MRPS28: variants seen among roughly 807,000 people sequenced by gnomAD.
MRPS28 encodes small ribosomal subunit protein bS1m.
Under a neutral mutation model 10.8 loss-of-function variants are expected in MRPS28, and 7 were observed. That is an observed-to-expected ratio of 0.65 (90% confidence interval 0.37 to 1.22). The LOEUF is 1.22. Among genes scored for constraint, MRPS28 ranks in the 50% most tolerant of loss-of-function variants. The pLI is 0.02. For missense variants in MRPS28, 265 were observed against 232.9 expected (o/e 1.14, Z -0.90); for synonymous variants, 121 against 93.3 (o/e 1.30, Z -1.71).
chr8:79,967,934 A>C (rs1034857161), intron 2 of MRPS28, among the ~76,000 whole-genome samples: 1 of 152,158 alleles, frequency 6.6e-6, no homozygotes, highest in Non-Finnish European at 1.5e-5. Flanking sequence ...TATTTACATT[A>C]TCTTGAATGT....
chr8:79,981,586 G>A (rs1444028455), intron 2 of MRPS28, among the ~76,000 whole-genome samples: 2 of 152,178 alleles, frequency 1.3e-5, no homozygotes, highest in Non-Finnish European at 2.9e-5. Context: ...AGAATGGTAA[G>A]TAAAATAGAA....
intron 2 of MRPS28, among the ~76,000 whole-genome samples, chr8:79,993,978 T>C (rs1195744959): frequency 6.6e-6 from 1 of 152,206 alleles, no homozygotes; most frequent in Non-Finnish European, 1.5e-5. Context: ...GCCAGTTACC[T>C]TAGAGCTGCC....
At chr8:80,020,820 G>A (rs936636573) in intron 1 of MRPS28, among the ~76,000 whole-genome samples, 57 of 152,116 alleles carry the variant, frequency 3.7e-4, no homozygotes, top group Admixed American at 9.2e-4. Flanking sequence ...AGGCCTGAAG[G>A]AAAAAGGTCA....
At chr8:79,976,795 A>G (rs149321018) in intron 2 of MRPS28, among the ~76,000 whole-genome samples, 4 of 152,248 alleles carry the variant, frequency 2.6e-5, no homozygotes, top group Non-Finnish European at 4.4e-5. Context: ...TGTATTTTGC[A>G]ATCAGCTTAA....
chr8:79,929,430 C>G (rs117133502), intron 2 of MRPS28, among the ~76,000 whole-genome samples: 1,564 of 152,078 alleles, frequency 0.01, 15 homozygotes, highest in African/African-American at 0.015. Context: ...ATAATCGGAA[C>G]CTATCAAGAA....
At chr8:80,003,882 C>T (rs760206126) in intron 1 of MRPS28, among the ~76,000 whole-genome samples, 2 of 152,190 alleles carry the variant, frequency 1.3e-5, no homozygotes, top group Non-Finnish European at 2.9e-5. Flanking sequence ...CGGAGCCTCG[C>T]TCATTGCTAG....
intron 2 of MRPS28, among the ~76,000 whole-genome samples, chr8:79,932,811 A>G (rs115962405): frequency 0.013 from 2,047 of 152,254 alleles, 38 homozygotes; most frequent in African/African-American, 0.047. Flanking sequence ...ACCACTGATA[A>G]AGCTGTCTGT....
At chr8:80,008,023 C>T (rs890477869) in intron 1 of MRPS28, among the ~76,000 whole-genome samples, 41 of 152,186 alleles carry the variant, frequency 2.7e-4, no homozygotes, top group East Asian at 7.7e-4. Context: ...CTTCAAACTA[C>T]GCTACAAGGC....
intron 2 of MRPS28, among the ~76,000 whole-genome samples, chr8:79,981,927 C>T (rs940529459): frequency 3.9e-5 from 6 of 152,124 alleles, no homozygotes; most frequent in African/African-American, 9.7e-5. Flanking sequence ...TAAAGGAACA[C>T]GAAGTATTCT....
intron 2 of MRPS28, among the ~76,000 whole-genome samples, chr8:79,985,606 C>A (rs1016809131): frequency 1.3e-5 from 2 of 152,242 alleles, no homozygotes; most frequent in Non-Finnish European, 1.5e-5. Flanking sequence ...CACCACCGAT[C>A]CCACAGAAAT....
At chr8:80,020,894 T>A (rs1226261008) in intron 1 of MRPS28, among the ~76,000 whole-genome samples, 2 of 152,084 alleles carry the variant, frequency 1.3e-5, no homozygotes, top group African/African-American at 4.8e-5. Context: ...AACACTGGAA[T>A]TTCTATTTGT....
At chr8:80,019,401 T>G (rs1211833287) in intron 1 of MRPS28, among the ~76,000 whole-genome samples, 1 of 150,804 alleles carries the variant, frequency 6.6e-6, no homozygotes, top group African/African-American at 2.4e-5. Flanking sequence ...AAAAATCACA[T>G]GGTCGTATTT....
intron 2 of MRPS28, among the ~76,000 whole-genome samples, chr8:79,952,051 G>C (rs1018999850): frequency 1.3e-5 from 2 of 152,104 alleles, no homozygotes; most frequent in Non-Finnish European, 2.9e-5. Flanking sequence ...TTTAATACGA[G>C]TAATATCTCA....
At chr8:79,975,072 C>A (rs1374307296) in intron 2 of MRPS28, among the ~76,000 whole-genome samples, 1 of 151,970 alleles carries the variant, frequency 6.6e-6, no homozygotes, top group Non-Finnish European at 1.5e-5. Flanking sequence ...ACTGGCTGAG[C>A]CCAGGATTTC....
At chr8:80,020,849 T>C (rs183113506) in intron 1 of MRPS28, among the ~76,000 whole-genome samples, 1 of 152,180 alleles carries the variant, frequency 6.6e-6, no homozygotes, top group African/African-American at 2.4e-5. Context: ...CAAAGAATAG[T>C]GATCTCTATC....
intron 2 of MRPS28, among the ~76,000 whole-genome samples, chr8:79,926,944 C>A (rs892938262): frequency 6.6e-6 from 1 of 152,148 alleles, no homozygotes; most frequent in Admixed American, 6.6e-5. Context: ...TCTGGTCTCC[C>A]GACTGTTCAA....
At chr8:79,984,698 A>G (rs1328261691) in intron 2 of MRPS28, among the ~76,000 whole-genome samples, 2 of 152,198 alleles carry the variant, frequency 1.3e-5, no homozygotes, top group Non-Finnish European at 2.9e-5. Context: ...ATAATGGTAA[A>G]GGGATCAATT....
intron 2 of MRPS28, among the ~76,000 whole-genome samples, chr8:79,949,426 A>C (rs56339109): frequency 0.014 from 2,130 of 151,756 alleles, 47 homozygotes; most frequent in African/African-American, 0.041. Flanking sequence ...AAAAAAAAAA[A>C]AACAACAACA....
intron 2 of MRPS28, among the ~76,000 whole-genome samples, chr8:79,972,805 AT>A (rs1223983273): frequency 6.6e-6 from 1 of 152,252 alleles, no homozygotes; most frequent in Admixed American, 6.5e-5. Context: ...GGATTACAGT[AT>A]AGTGAATATT....
Sources: allele counts gnomAD v4.1 joint callset (sites outside exome capture counted in the v4.1 genomes callset), GRCh38; gene constraint gnomAD v4.1.1; transcripts MANE v1.5; gene names NCBI Gene and HGNC (gene_info 2026-07-23, HGNC 2026-07-21).